Variants in REV3L observed in about 807,000 individuals in gnomAD.
REV3L encodes REV3 like, DNA directed polymerase zeta catalytic subunit.
A neutral mutation model predicts 299.4 loss-of-function variants in REV3L; 69 were observed. The ratio of observed to expected loss-of-function variants is 0.23; its 90% CI spans 0.19 to 0.28. REV3L has a LOEUF of 0.28. Among genes scored for constraint, REV3L ranks in the 10% least tolerant of loss-of-function variants. The pLI, the probability that REV3L is intolerant of heterozygous loss-of-function variation, is 1.00. For synonymous variants in REV3L, 1,238 were observed against 1,271.4 expected, an observed-to-expected ratio of 0.97 and a Z score of 0.56; for missense variants, 3,128 against 3,693.8, an observed-to-expected ratio of 0.85 and a Z score of 3.97.
At chr6:111,366,177 CAT>C (rs1236135314) in intron 14 of REV3L, among the ~76,000 whole-genome samples, 2 of 152,010 alleles carry the variant, frequency 1.3e-5, no homozygotes, top group African/African-American at 2.4e-5. Flanking sequence ...TATGTGGAGG[CAT>C]GTATATATAA....
At chr6:111,483,634 CG>C, upstream of REV3L, 2 of 432,146 alleles carry the variant, frequency 4.6e-6, no homozygotes, top group Admixed American at 2.5e-5. Context: ...GCAGAGGAGG[CG>C]GGGGCAGCCG....
chr6:111,322,449 G>A lies in REV3L; in HGVS notation c.8351+120C>T. On this transcript the variant is annotated intron_variant, in intron 26 of 31. Coordinates refer to ENST00000368802, the MANE Select transcript of REV3L (RefSeq NM_001372078.1). ...TTAACTCTGATCATGAGATCGTAAG[G>A]ACTGGAAAGGACTCAGACAGAACTC... The A allele has an allele frequency of 5.6e-6, 4 of 718,318 alleles. 1 individual carries two copies. In the Middle Eastern group the frequency reaches 9.9e-4, roughly 178 times the overall value. The allele number at this position is 718,318 out of a possible 1,614,324, so 44.5% of individuals were successfully genotyped here. A position where few individuals can be genotyped will look rare whatever the true frequency, so the allele number is the denominator to read the frequency against.
At chr6:111,406,400 T>C (rs977773069) in intron 3 of REV3L, among the ~76,000 whole-genome samples, 3 of 152,154 alleles carry the variant, frequency 2.0e-5, no homozygotes, top group Admixed American at 2.0e-4. Context: ...GTTAAGACAT[T>C]TGAAGAGGTA....
At position 111,422,665 on chromosome 6, in the gene REV3L, T is replaced by TATATATATATATACATATATATATATAC. The variant is rs1562287965; in HGVS notation, c.140-6194_140-6193insGTATATATATATATGTATATATATATAT. Among the ~76,000 whole-genome samples the TATATATATATATACATATATATATATAC allele has an allele frequency of 2.1e-4, 8 of 37,462 alleles. 2 individuals carry two copies. In the South Asian group the frequency reaches 4.1e-3, roughly 19 times the overall value. 24.6% of individuals were successfully genotyped at this position (37,462 alleles called of 152,430 possible). On this transcript the variant is annotated intron_variant, in intron 1 of 31. Transcript: ENST00000368802. ...ATATATATACATATATATATATACATATATATATATATACGTATATATATA... is the reference window on the plus strand; with the variant it reads ...ATATATATACATATATATATATACATATATATATATATACATATATATATATACATATATATATATACGTATATATATA...
intron 1 of REV3L, chr6:111,430,321 G>A (rs1321949408): frequency 3.6e-6 from 4 of 1,125,318 alleles, no homozygotes. Flanking sequence ...TGATTTTACT[G>A]CTCCTGGCTA....
In REV3L at chr6:111,380,011, G is replaced by C. The variant is rs905197276; in HGVS notation, c.1425C>G (p.Ser475Arg). ...TTTTGGCACAATGTTCTTCAATATTGCTGTCCCATCTCTGGGACATCACCA... is the reference window on the plus strand; with the variant it reads ...TTTTGGCACAATGTTCTTCAATATTCCTGTCCCATCTCTGGGACATCACCA... Reference protein sequence around the residue: ...LSLVMSQRWDSNIEEHCAKKR... With the variant: ...LSLVMSQRWDRNIEEHCAKKR... Residue 475 changes from serine to arginine, a missense_variant, in exon 11 of 32, where the codon AGC becomes AGG. Physicochemically the swap from Ser to Arg is moderately radical, Grantham distance 110 (BLOSUM62 -1). This residue lies in a region of REV3L where 2,409 missense variants were observed against 2,611.8 expected (regional missense o/e 0.92). Coordinates refer to ENST00000368802, the MANE Select transcript of REV3L (RefSeq NM_001372078.1). 1.9e-6 allele frequency: 3 copies of C among 1,612,908 alleles called. No homozygotes were observed. The highest frequency in any genetic ancestry group is 1.7e-5 in the Admixed American group (1 of 59,978).
intron 1 of REV3L, among the ~76,000 whole-genome samples, chr6:111,449,886 A>C (rs575753622): frequency 1.5e-3 from 222 of 152,348 alleles, no homozygotes; most frequent in African/African-American, 4.9e-3. Context: ...AATAGAAACA[A>C]GCCAGGAAAT....
chr6:111,335,286 T>C (rs1279437862), intron 22 of REV3L, among the ~76,000 whole-genome samples, 183 bp downstream of exon 22: 3 of 152,166 alleles, frequency 2.0e-5, no homozygotes, highest in Non-Finnish European at 4.4e-5. Flanking sequence ...CTTAATACCA[T>C]AAAAAACTTG....
intron 10 of REV3L, among the ~76,000 whole-genome samples, chr6:111,380,674 C>G (rs1687014592): frequency 6.6e-6 from 1 of 152,228 alleles, no homozygotes; most frequent in Non-Finnish European, 1.5e-5. Flanking sequence ...TGAGGTAGCT[C>G]TCCTATCAAA....
intron 1 of REV3L, among the ~76,000 whole-genome samples, chr6:111,447,257 T>G (rs1482929214): frequency 6.6e-6 from 1 of 152,228 alleles, no homozygotes; most frequent in Non-Finnish European, 1.5e-5. Flanking sequence ...AGATGTGTTC[T>G]GAATCACCAG....
chr6:111,480,006 A>G (rs1036863738), intron 1 of REV3L, among the ~76,000 whole-genome samples: 5 of 152,254 alleles, frequency 3.3e-5, no homozygotes, highest in African/African-American at 1.2e-4. Context: ...CTAAACTAGT[A>G]AAAGGGTATT....
Position 111,351,818 on chromosome 6 carries a change from A to G in REV3L, c.7185-27T>C, listed in dbSNP as rs1230803671. ...TAAAAAAGGAATTTAAAAAAGTTATATAAGTACCATACATTTGAACCTTTA... is the reference window on the plus strand; with the variant it reads ...TAAAAAAGGAATTTAAAAAAGTTATGTAAGTACCATACATTTGAACCTTTA... On this transcript the variant is annotated intron_variant, in intron 18 of 31. Coordinates refer to ENST00000368802, the MANE Select transcript of REV3L (RefSeq NM_001372078.1). 7 of 1,420,272 alleles carry G rather than the reference A, an allele frequency of 4.9e-6. No individual in the cohort carries two copies. In the East Asian group the frequency reaches 1.1e-4, roughly 23 times the overall value. The allele number at this position is 1,420,272 out of a possible 1,614,324, so 88.0% of individuals were successfully genotyped here.
At chr6:111,443,294 G>A (rs751702651) in intron 1 of REV3L, among the ~76,000 whole-genome samples, 8 of 151,776 alleles carry the variant, frequency 5.3e-5, no homozygotes, top group Non-Finnish European at 1.2e-4. Flanking sequence ...GACTACAGGC[G>A]CCGCCACCTC....
intron 16 of REV3L, among the ~76,000 whole-genome samples, chr6:111,360,387 T>G (rs561667894): frequency 6.6e-6 from 1 of 152,274 alleles, no homozygotes; most frequent in South Asian, 2.1e-4. Flanking sequence ...AAGCTTACTT[T>G]TCATTGCAAA....
rs35782472 is a variant in REV3L, at chr6:111,349,008, GA to G, written c.7419+209del. On this transcript the variant is annotated intron_variant, in intron 20 of 31. Transcript: ENST00000368802. ...CTAGTTATTGCTACCTTAGACACAAGAAAAAAAAAAAAACTCACTTAAAACA... is the reference window on the plus strand; with the variant it reads ...CTAGTTATTGCTACCTTAGACACAAGAAAAAAAAAAAACTCACTTAAAACA... 5.8e-3 allele frequency: 1,723 copies of G among 299,376 alleles called. 4 individuals carry two copies. Among genetic ancestry groups the G allele is most frequent in the African/African-American group, 0.023 (957 of 42,218 alleles). The allele number at this position is 299,376 out of a possible 1,614,324, so 18.5% of individuals were successfully genotyped here. A position where few individuals can be genotyped will look rare whatever the true frequency, so the allele number is the denominator to read the frequency against.
At chr6:111,414,656 A>G (rs948598356) in intron 2 of REV3L, among the ~76,000 whole-genome samples, 1 of 152,188 alleles carries the variant, frequency 6.6e-6, no homozygotes, top group Non-Finnish European at 1.5e-5. Context: ...TTTCATATGG[A>G]CATAAAACAA....
At chr6:111,475,724 C>T (rs1417038470) in intron 1 of REV3L, among the ~76,000 whole-genome samples, 1 of 152,150 alleles carries the variant, frequency 6.6e-6, no homozygotes, top group Non-Finnish European at 1.5e-5. Flanking sequence ...TTTTACTAGT[C>T]TGTTTCTCTT....
intron 20 of REV3L, 131 bp downstream of exon 20, chr6:111,349,087 C>T: frequency 3.7e-6 from 2 of 543,234 alleles, no homozygotes; most frequent in Non-Finnish European, 6.5e-6. Flanking sequence ...TATTTTAACT[C>T]TACTTAAGTA....
chr6:111,454,584 T>C (rs1183539591), intron 1 of REV3L, among the ~76,000 whole-genome samples: 1 of 152,156 alleles, frequency 6.6e-6, no homozygotes, highest in Non-Finnish European at 1.5e-5. Flanking sequence ...GTAAACACTA[T>C]TCTATTGTTT....
Sources: gnomAD v4.1 joint callset for allele counts (sites outside exome capture counted in the v4.1 genomes callset) on GRCh38, gnomAD v4.1.1 for gene constraint, gnomAD v4.1.1 regional missense constraint, MANE v1.5 for transcripts, NCBI Gene and HGNC (gene_info 2026-07-23, HGNC 2026-07-21) for gene names.